The following HORMAD2 variants were observed in gnomAD, a reference collection of about 807,000 sequenced individuals.
HORMAD2 encodes the protein HORMA domain-containing protein 2.
Under a neutral mutation model 38.8 loss-of-function variants are expected in HORMAD2, and 45 were observed. That is an observed-to-expected ratio of 1.16 (90% confidence interval 0.91 to 1.49). The LOEUF (loss-of-function observed/expected upper bound fraction) is 1.49, where lower values mean the gene tolerates loss of function less well. Among genes scored for constraint, HORMAD2 ranks in the 40% most tolerant of loss-of-function variants. The pLI is 0.00. For missense variants in HORMAD2, 338 were observed against 367.0 expected, an observed-to-expected ratio of 0.92 and a Z score of 0.65; for synonymous variants, 126 against 122.8, an observed-to-expected ratio of 1.03 and a Z score of -0.17.
At chr22:30,125,305 G>A (rs1030358103) in intron 10 of HORMAD2, among the ~76,000 whole-genome samples, 16 of 130,718 alleles carry the variant, frequency 1.2e-4, no homozygotes, top group Non-Finnish European at 2.3e-4. Context: ...TCAGCTCACG[G>A]TAACCTTCTT....
intron 10 of HORMAD2, among the ~76,000 whole-genome samples, chr22:30,149,454 C>T (rs1425180759): frequency 4.6e-5 from 7 of 152,198 alleles, no homozygotes; most frequent in Non-Finnish European, 8.8e-5. Flanking sequence ...ATAGAACATT[C>T]CCATCATCAC....
the HORMAD2 span, among the ~76,000 whole-genome samples, chr22:30,201,638 G>C: frequency 6.6e-6 from 1 of 151,900 alleles, no homozygotes; most frequent in Admixed American, 6.6e-5. Flanking sequence ...GGATGGTCTC[G>C]ATCTCCTGAC....
intron 10 of HORMAD2, among the ~76,000 whole-genome samples, chr22:30,139,432 G>A (rs1923923397): frequency 6.7e-6 from 1 of 150,086 alleles, no homozygotes; most frequent in Admixed American, 6.7e-5. Context: ...TGCTGAACTC[G>A]TTGAATAGTT....
At chr22:30,205,059 C>T in the HORMAD2 span, among the ~76,000 whole-genome samples, 1 of 152,170 alleles carries the variant, frequency 6.6e-6, no homozygotes, top group Non-Finnish European at 1.5e-5. Flanking sequence ...CTCAGTTTCT[C>T]TCTGTGAGGC....
chr22:30,102,554 C>T (rs770179068), intron 3 of HORMAD2, among the ~76,000 whole-genome samples: 11 of 152,118 alleles, frequency 7.2e-5, no homozygotes, highest in African/African-American at 2.4e-4. Flanking sequence ...GAAAACAATA[C>T]GAAAAGGTGA....
At chr22:30,117,857 A>G (rs1163248974) in intron 7 of HORMAD2, among the ~76,000 whole-genome samples, 1 of 152,168 alleles carries the variant, frequency 6.6e-6, no homozygotes, top group Admixed American at 6.6e-5. Context: ...CTTATGAGGA[A>G]ATTTGTCCCT....
chr22:30,170,971 T>C (rs1170469061), intron 10 of HORMAD2, among the ~76,000 whole-genome samples: 1 of 152,180 alleles, frequency 6.6e-6, no homozygotes, highest in Non-Finnish European at 1.5e-5. Context: ...CCTGACACTA[T>C]TGACCACCAC....
downstream of HORMAD2, among the ~76,000 whole-genome samples, chr22:30,178,172 T>C (rs1481822546): frequency 1.3e-5 from 2 of 152,252 alleles, no homozygotes. Flanking sequence ...GGAACTATTT[T>C]GCTTCAAGGG....
upstream of HORMAD2, among the ~76,000 whole-genome samples, chr22:30,078,777 C>T (rs73164711): frequency 4.6e-3 from 692 of 152,002 alleles, 2 homozygotes; most frequent in Non-Finnish European, 7.0e-3. Context: ...GATCTGAAGG[C>T]AGAAGAAAAT....
At chr22:30,196,686 T>C in the HORMAD2 span, among the ~76,000 whole-genome samples, 1 of 152,178 alleles carries the variant, frequency 6.6e-6, no homozygotes, top group Non-Finnish European at 1.5e-5. Flanking sequence ...GAAGTCACTT[T>C]GTTTGTGAAA....
intron 10 of HORMAD2, among the ~76,000 whole-genome samples, chr22:30,175,067 G>A (rs746149914): frequency 6.0e-5 from 9 of 151,172 alleles, no homozygotes; most frequent in Non-Finnish European, 1.0e-4. Flanking sequence ...GTTCCTAAAT[G>A]ACACTTAAAT....
intron 7 of HORMAD2, among the ~76,000 whole-genome samples, chr22:30,114,075 G>A (rs1302546768): frequency 6.6e-6 from 1 of 152,082 alleles, no homozygotes; most frequent in Admixed American, 6.6e-5. Context: ...TTTTTTGGGG[G>A]TAGTGAAATG....
At chr22:30,152,932 A>G (rs1362254358) in intron 10 of HORMAD2, among the ~76,000 whole-genome samples, 4 of 152,004 alleles carry the variant, frequency 2.6e-5, no homozygotes, top group Admixed American at 2.6e-4. Flanking sequence ...ATCATCCCCA[A>G]GAGCTCCAGT....
At chr22:30,193,690 G>C in the HORMAD2 span, among the ~76,000 whole-genome samples, 1 of 152,298 alleles carries the variant, frequency 6.6e-6, no homozygotes, top group South Asian at 2.1e-4. Context: ...AATGAGGCTG[G>C]TCCCCACTGT....
chr22:30,193,497 G>A, the HORMAD2 span, among the ~76,000 whole-genome samples: 12 of 152,158 alleles, frequency 7.9e-5, no homozygotes, highest in African/African-American at 2.7e-4. Flanking sequence ...AAGTGGGGAA[G>A]GGTCAGAAGG....
chr22:30,198,935 G>T, the HORMAD2 span, among the ~76,000 whole-genome samples: 4 of 152,204 alleles, frequency 2.6e-5, no homozygotes, highest in Admixed American at 6.5e-5. Context: ...GCAGGTCTGT[G>T]TACCAGCTTC....
intron 2 of HORMAD2, 105 bp from the exon 3 acceptor site, chr22:30,098,747 A>C (rs1920925591): frequency 1.1e-6 from 1 of 947,120 alleles, no homozygotes; most frequent in Non-Finnish European, 1.5e-6. Flanking sequence ...AAAGATATCA[A>C]ATTTGAAGTC....
chr22:30,109,627 T>C (rs1921477082), intron 5 of HORMAD2, among the ~76,000 whole-genome samples: 1 of 152,234 alleles, frequency 6.6e-6, no homozygotes, highest in East Asian at 1.9e-4. Context: ...TGAAATTTTC[T>C]GATTTGTATT....
At chr22:30,109,291 T>C (rs968376307) in intron 5 of HORMAD2, among the ~76,000 whole-genome samples, 1 of 152,178 alleles carries the variant, frequency 6.6e-6, no homozygotes, top group Non-Finnish European at 1.5e-5. Flanking sequence ...CCCAAAGTGC[T>C]GGGATTACAG....
Sources: gnomAD v4.1 joint callset for allele counts (sites outside exome capture counted in the v4.1 genomes callset) on GRCh38, gnomAD v4.1.1 for gene constraint, MANE v1.5 for transcripts, NCBI Gene and HGNC (gene_info 2026-07-23, HGNC 2026-07-21) for gene names.